Variants in CDC14A observed in about 807,000 individuals in gnomAD.
CDC14A encodes the protein cell division cycle 14A.
In CDC14A, 53 loss-of-function variants were observed where a neutral mutation model predicts 74.4. The ratio of observed to expected loss-of-function variants is 0.71; its 90% CI spans 0.57 to 0.89. The LOEUF is 0.89. Ranked by LOEUF, CDC14A falls within the 40% of genes least tolerant of loss-of-function variation. The pLI is 0.00. For synonymous variants in CDC14A, 247 were observed against 258.4 expected (o/e 0.96, Z 0.43); for missense variants, 646 against 713.7 (o/e 0.91, Z 1.08).
At chr1:100,360,861 G>A (rs1652664666) in intron 2 of CDC14A, among the ~76,000 whole-genome samples, 1 of 152,046 alleles carries the variant, frequency 6.6e-6, no homozygotes, top group South Asian at 2.1e-4. Context: ...ATCTTAACAG[G>A]GCTAGTCATA....
chr1:100,436,790 C>G (rs1664394922), intron 5 of CDC14A, among the ~76,000 whole-genome samples: 1 of 152,134 alleles, frequency 6.6e-6, no homozygotes, highest in Non-Finnish European at 1.5e-5. Context: ...TTATTTACCA[C>G]TCATCTAAAT....
At chr1:100,366,731 A>C (rs929580161) in intron 2 of CDC14A, among the ~76,000 whole-genome samples, 1 of 152,070 alleles carries the variant, frequency 6.6e-6, no homozygotes, top group Non-Finnish European at 1.5e-5. Flanking sequence ...CAATTCTTTT[A>C]GTTTCTTTCC....
intron 5 of CDC14A, among the ~76,000 whole-genome samples, chr1:100,428,972 T>G (rs1270230505): frequency 6.6e-6 from 1 of 151,736 alleles, no homozygotes; most frequent in Non-Finnish European, 1.5e-5. Context: ...CTTTGGGAGG[T>G]GGGCGATCAC....
chr1:100,373,406 A>G (rs780079310), intron 2 of CDC14A, among the ~76,000 whole-genome samples: 2 of 152,236 alleles, frequency 1.3e-5, no homozygotes, highest in African/African-American at 2.4e-5. Context: ...ACTGACCATC[A>G]TAACAGATAC....
intron 8 of CDC14A, among the ~76,000 whole-genome samples, chr1:100,457,625 G>GATT (rs1557779811): frequency 1.6e-5 from 2 of 122,170 alleles, no homozygotes; most frequent in African/African-American, 8.2e-5. Flanking sequence ...ACACCTGGCT[G>GATT]GTTTTTTTTT....
chr1:100,362,524 T>C (rs969629770), intron 2 of CDC14A, among the ~76,000 whole-genome samples: 3 of 152,234 alleles, frequency 2.0e-5, no homozygotes, highest in African/African-American at 4.8e-5. Flanking sequence ...TATACCATAC[T>C]GTATTGAACA....
At chr1:100,445,298 T>C (rs774025358) in intron 7 of CDC14A, among the ~76,000 whole-genome samples, 3 of 152,188 alleles carry the variant, frequency 2.0e-5, no homozygotes, top group Admixed American at 1.3e-4. Context: ...AGCTTAAATT[T>C]TAGAGAGCCT....
chr1:100,366,607 T>C (rs1189556794), intron 2 of CDC14A, among the ~76,000 whole-genome samples: 4 of 152,200 alleles, frequency 2.6e-5, no homozygotes, highest in African/African-American at 9.7e-5. Flanking sequence ...TGTGGGGTGG[T>C]GGGTGATCCT....
intron 4 of CDC14A, among the ~76,000 whole-genome samples, chr1:100,407,674 C>G (rs558957024): frequency 9.9e-5 from 15 of 152,258 alleles, no homozygotes; most frequent in African/African-American, 2.6e-4. Flanking sequence ...TCTTCTCTTC[C>G]TATTTGAATA....
intron 9 of CDC14A, among the ~76,000 whole-genome samples, chr1:100,466,340 C>T (rs1250516611): frequency 2.6e-5 from 4 of 152,150 alleles, no homozygotes; most frequent in South Asian, 2.1e-4. Context: ...TTTATCTATA[C>T]GGTTGCCTAT....
chr1:100,422,835 T>C (rs755749780), intron 4 of CDC14A, among the ~76,000 whole-genome samples: 3 of 152,212 alleles, frequency 2.0e-5, no homozygotes, highest in Non-Finnish European at 4.4e-5. Context: ...GGACTCGTTT[T>C]CTAGTCCTGA....
intron 10 of CDC14A, among the ~76,000 whole-genome samples, chr1:100,476,645 T>G (rs1668936271): frequency 6.6e-6 from 1 of 151,458 alleles, no homozygotes; most frequent in South Asian, 2.1e-4. Flanking sequence ...GGATTTTAAA[T>G]TTTACTTATG....
intron 13 of CDC14A, among the ~76,000 whole-genome samples, chr1:100,497,161 A>G (rs1460959505): frequency 6.6e-6 from 1 of 152,246 alleles, no homozygotes; most frequent in Non-Finnish European, 1.5e-5. Context: ...TTGGGAACTC[A>G]GAGAAGGCTT....
At chr1:100,500,018 A>G (rs1183282104) in intron 15 of CDC14A, among the ~76,000 whole-genome samples, 1 of 152,174 alleles carries the variant, frequency 6.6e-6, no homozygotes, top group African/African-American at 2.4e-5. Flanking sequence ...AACAATCAAC[A>G]ATACCTGGTA....
At chr1:100,490,417 A>G (rs945334741) in intron 11 of CDC14A, among the ~76,000 whole-genome samples, 6 of 152,186 alleles carry the variant, frequency 3.9e-5, no homozygotes, top group Non-Finnish European at 8.8e-5. Flanking sequence ...ACTTTGTACA[A>G]TGGCCACAGA....
Position 100,481,246 on chromosome 1 carries a change from G to A in CDC14A, c.978-3046G>A, listed in dbSNP as rs911085364. On this transcript the variant is annotated intron_variant, in intron 10 of 15. Transcript: ENST00000336454. ...AGAGTGGGTTATGTTTCTATTTGGAGTGACCAAACAGTGGCTTTGGATGGA... is the reference window on the plus strand; with the variant it reads ...AGAGTGGGTTATGTTTCTATTTGGAATGACCAAACAGTGGCTTTGGATGGA... 3.9e-5 allele frequency among the ~76,000 whole-genome samples: 6 copies of A among 152,202 alleles called. 1 individual carries two copies. In the South Asian group the frequency reaches 6.2e-4, roughly 16 times the overall value.
rs566936270 is a variant in CDC14A at position 100,380,437 on chromosome 1, C to T, written c.216+2816C>T. 2.6e-5 allele frequency among the ~76,000 whole-genome samples: 4 copies of T among 152,284 alleles called. No homozygotes were observed. In the South Asian group the frequency reaches 6.2e-4, roughly 24 times the overall value. ...GCCCCAGCTACCTGACCTTGTTGTC[C>T]CACGCTGACTTTGAGGCTCCTCTGC... On this transcript the variant is annotated intron_variant, in intron 3 of 15. Coordinates refer to ENST00000336454, the MANE Select transcript of CDC14A (RefSeq NM_003672.4).
At chr1:100,459,856 A>T (rs1377139310) in intron 8 of CDC14A, among the ~76,000 whole-genome samples, 1 of 152,234 alleles carries the variant, frequency 6.6e-6, no homozygotes, top group Non-Finnish European at 1.5e-5. Flanking sequence ...GTCATAGGAC[A>T]TTTCCATTGT....
At chr1:100,382,465 T>C (rs1656280908) in intron 3 of CDC14A, among the ~76,000 whole-genome samples, 1 of 151,048 alleles carries the variant, frequency 6.6e-6, no homozygotes, top group Non-Finnish European at 1.5e-5. Flanking sequence ...CTTGAACTTC[T>C]GGGCTTAAGC....
Sources: allele counts gnomAD v4.1 joint callset (sites outside exome capture counted in the v4.1 genomes callset), GRCh38; gene constraint gnomAD v4.1.1; transcripts MANE v1.5; gene names NCBI Gene and HGNC (gene_info 2026-07-23, HGNC 2026-07-21).